MAP3K13: variants seen among roughly 807,000 people sequenced by gnomAD.
MAP3K13 encodes the protein mitogen-activated protein kinase kinase kinase 13, also known as leucine zipper-bearing kinase.
A neutral mutation model predicts 104.0 loss-of-function variants in MAP3K13; 52 were observed. That is an observed-to-expected ratio of 0.50 (90% confidence interval 0.40 to 0.63). The LOEUF (loss-of-function observed/expected upper bound fraction) is 0.63. Ranked by LOEUF, MAP3K13 falls within the 20% of genes least tolerant of loss-of-function variation. The pLI is 0.00. For synonymous variants in MAP3K13, 394 were observed against 442.2 expected (o/e 0.89, Z 1.37); for missense variants, 914 against 1,218.5 (o/e 0.75, Z 3.72).
intron 8 of MAP3K13, 130 bp from the exon 9 acceptor site, chr3:185,465,617 A>T (rs908755559): frequency 8.8e-6 from 6 of 683,990 alleles, no homozygotes; most frequent in African/African-American, 7.1e-5. Flanking sequence ...GCACTGGACA[A>T]GGGAGGCTTA....
chr3:185,313,735 G>GAA (rs5855056), intron 2 of MAP3K13, among the ~76,000 whole-genome samples: 50 of 146,706 alleles, frequency 3.4e-4, no homozygotes, highest in Middle Eastern at 3.5e-3. Context: ...AAGTAGTGGT[G>GAA]AAAAAAAAAA....
chr3:185,448,889 C>T (rs1715735957), intron 5 of MAP3K13, among the ~76,000 whole-genome samples: 1 of 152,194 alleles, frequency 6.6e-6, no homozygotes, highest in Non-Finnish European at 1.5e-5. Flanking sequence ...AATCTTTGCT[C>T]AGCTTTCTGA....
chr3:185,350,101 A>G (rs779650113), intron 2 of MAP3K13, among the ~76,000 whole-genome samples: 4 of 152,252 alleles, frequency 2.6e-5, no homozygotes, highest in Non-Finnish European at 5.9e-5. Flanking sequence ...TAGGTTCAAC[A>G]GAGCACTTAT....
chr3:185,323,942 A>T (rs1436917728), intron 2 of MAP3K13, among the ~76,000 whole-genome samples: 1 of 152,194 alleles, frequency 6.6e-6, no homozygotes, highest in African/African-American at 2.4e-5. Context: ...GGTTAAGATG[A>T]CGTCATTGTA....
At chr3:185,461,687 C>T (rs548010998) in intron 7 of MAP3K13, among the ~76,000 whole-genome samples, 13 of 152,140 alleles carry the variant, frequency 8.5e-5, no homozygotes, top group South Asian at 8.3e-4. Flanking sequence ...CTCAGCCTGC[C>T]GAATAGCTGG....
chr3:185,392,913 C>T (rs925961188), intron 1 of MAP3K13, among the ~76,000 whole-genome samples: 1 of 151,638 alleles, frequency 6.6e-6, no homozygotes, highest in Non-Finnish European at 1.5e-5. Flanking sequence ...TTAGCTAGGC[C>T]TGGTGGTGGG....
chr3:185,402,965 A>G (rs1712901248), intron 1 of MAP3K13, among the ~76,000 whole-genome samples: 1 of 152,168 alleles, frequency 6.6e-6, no homozygotes, highest in African/African-American at 2.4e-5. Context: ...CTGAGGTACT[A>G]GATATATCTG....
At chr3:185,388,052 TACACAAAATATATAC>T (rs1711799032) in intron 1 of MAP3K13, among the ~76,000 whole-genome samples, 1 of 150,958 alleles carries the variant, frequency 6.6e-6, no homozygotes, top group Non-Finnish European at 1.5e-5. Flanking sequence ...ATCAGTAGTT[TACACAAAATATATAC>T]CAACAACAAA....
chr3:185,447,561 A>C (rs1715662438), intron 4 of MAP3K13, among the ~76,000 whole-genome samples: 1 of 151,360 alleles, frequency 6.6e-6, no homozygotes, highest in South Asian at 2.1e-4. Context: ...AGCAAGTAGA[A>C]GAGGCAGAAT....
chr3:185,410,172 A>G (rs1024499307), intron 1 of MAP3K13, among the ~76,000 whole-genome samples: 1 of 152,198 alleles, frequency 6.6e-6, no homozygotes, highest in African/African-American at 2.4e-5. Context: ...ACAAGCCACA[A>G]ACCAGTACCA....
chr3:185,472,627 C>CAAATTTGATGTTTGTTCTTTAATT (rs1717871594), intron 10 of MAP3K13, among the ~76,000 whole-genome samples: 1 of 152,172 alleles, frequency 6.6e-6, no homozygotes, highest in Admixed American at 6.6e-5. Context: ...AGCTTCACCA[C>CAAATTTGATGTTTGTTCTTTAATT]AAATTTGATG....
At chr3:185,431,927 G>A (rs530715349) in intron 2 of MAP3K13, among the ~76,000 whole-genome samples, 5 of 151,760 alleles carry the variant, frequency 3.3e-5, no homozygotes, top group South Asian at 4.2e-4. Context: ...AAAATTCTTC[G>A]TCAGTCCCTG....
At chr3:185,385,158 C>CA (rs1553797110) in intron 1 of MAP3K13, among the ~76,000 whole-genome samples, 3 of 151,138 alleles carry the variant, frequency 2.0e-5, no homozygotes, top group Non-Finnish European at 4.4e-5. Context: ...TTCTAGCAAT[C>CA]TTTTTTTTTG....
At chr3:185,378,010 G>A (rs544814808) in intron 1 of MAP3K13, among the ~76,000 whole-genome samples, 16 of 152,302 alleles carry the variant, frequency 1.1e-4, no homozygotes, top group African/African-American at 3.8e-4. Context: ...CTGGGGTGGG[G>A]GGAGGTTCTG....
chr3:185,374,741 T>C lies in MAP3K13; in HGVS notation c.-86+11373T>C, dbSNP rs1338436562. Among the ~76,000 whole-genome samples, 3 of 151,316 alleles carry C rather than the reference T, an allele frequency of 2.0e-5. No homozygotes were observed. The Admixed American group carries it at 2.0e-4, about 10-fold the overall frequency. On this transcript the variant is annotated intron_variant, in intron 1 of 13. Coordinates refer to ENST00000265026, the MANE Select transcript of MAP3K13 (RefSeq NM_004721.5). ...TTAGGTAAAAACAGCACTCTTCATT[T>C]AAAAACATAGAGTCCCCCTTTTTTT...
intron 2 of MAP3K13, among the ~76,000 whole-genome samples, chr3:185,302,640 A>T (rs1721148525): frequency 1.3e-5 from 2 of 152,012 alleles, no homozygotes; most frequent in Non-Finnish European, 2.9e-5. Flanking sequence ...CAGATTGGTC[A>T]TTGTTAGTGT....
chr3:185,396,748 C>T (rs1712447930), intron 1 of MAP3K13, among the ~76,000 whole-genome samples: 1 of 152,180 alleles, frequency 6.6e-6, no homozygotes, highest in African/African-American at 2.4e-5. Context: ...TGAGAGCTGA[C>T]TGTGATCCTC....
At chr3:185,325,192 A>ATT (rs1722005568) in intron 2 of MAP3K13, among the ~76,000 whole-genome samples, 1 of 152,228 alleles carries the variant, frequency 6.6e-6, no homozygotes, top group African/African-American at 2.4e-5. Context: ...TGATCTTAAT[A>ATT]ATTTGGAAAA....
chr3:185,415,165 T>C (rs549277607), intron 1 of MAP3K13, among the ~76,000 whole-genome samples: 117 of 152,264 alleles, frequency 7.7e-4, no homozygotes, highest in African/African-American at 2.7e-3. Context: ...ATTTTTATTT[T>C]TTTGTGAGAC....
Sources: gnomAD v4.1 joint callset for allele counts (sites outside exome capture counted in the v4.1 genomes callset) on GRCh38, gnomAD v4.1.1 for gene constraint, MANE v1.5 for transcripts, NCBI Gene and HGNC (gene_info 2026-07-23, HGNC 2026-07-21) for gene names.